Variants in PCSK6 observed in about 807,000 individuals in gnomAD.
The protein encoded by PCSK6 is proprotein convertase subtilisin/kexin type 6, also known as paired basic amino acid cleaving enzyme 4.
A neutral mutation model predicts 123.3 loss-of-function variants in PCSK6; 85 were observed. That is an observed-to-expected ratio of 0.69 (90% confidence interval 0.58 to 0.83). The LOEUF (loss-of-function observed/expected upper bound fraction) is 0.83. Among genes scored for constraint, PCSK6 ranks in the 40% least tolerant of loss-of-function variants. PCSK6 has a pLI of 0.00. For missense variants in PCSK6, 1,191 were observed against 1,282.3 expected, an observed-to-expected ratio of 0.93 and a Z score of 1.09; for synonymous variants, 508 against 516.0, an observed-to-expected ratio of 0.98 and a Z score of 0.21.
rs925451981 is a variant in PCSK6, at chr15:101,347,456, C to T, written c.1859-15425G>A. 1.2e-5 allele frequency: 15 copies of T among 1,253,548 alleles called. No homozygotes were observed. The African/African-American group carries it at 2.1e-4, about 18-fold the overall frequency. The allele number at this position is 1,253,548 out of a possible 1,614,324, so 77.7% of individuals were successfully genotyped here. A position where few individuals can be genotyped will look rare whatever the true frequency, so the allele number is the denominator to read the frequency against. ...ACATGGTCACACAGAAGAGACTAAT[C>T]TCTTCCCCTTCATTAAACATTTTAC... On this transcript the variant is annotated intron_variant, in intron 13 of 21. Coordinates refer to ENST00000611716, the MANE Select transcript of PCSK6 (RefSeq NM_002570.5).
At chr15:101,455,332 G>A (rs1188425907) in intron 1 of PCSK6, among the ~76,000 whole-genome samples, 4 of 152,238 alleles carry the variant, frequency 2.6e-5, no homozygotes, top group Admixed American at 2.6e-4. Context: ...CTGCCCAGCT[G>A]TTATTATTAA....
In PCSK6 at chr15:101,427,930, TAGGAATTGTTTGCTGAAGC is replaced by T; in HGVS notation, c.766_784del (p.Ala256ThrfsTer6). On this transcript the variant is annotated frameshift_variant, in exon 6 of 22. Transcript: ENST00000611716. LOFTEE classifies it high-confidence loss of function. ...ATTGTACGCTATGCCCACGATGCAG[TAGGAATTGTTTGCTGAAGC>T]AGCAACTTCTCCCGCACAACGAGTG... 6.3e-7 allele frequency: 1 copy of T among 1,588,410 alleles called. No homozygotes were observed. Among genetic ancestry groups the T allele is most frequent in the Non-Finnish European group, 8.6e-7 (1 of 1,167,168 alleles).
chr15:101,343,729 T>A (rs950320712), intron 13 of PCSK6, among the ~76,000 whole-genome samples: 2 of 152,244 alleles, frequency 1.3e-5, no homozygotes, highest in African/African-American at 4.8e-5. Flanking sequence ...TCCTTGGAAA[T>A]CCATCGAAGC....
intron 5 of PCSK6, 98 bp from the exon 6 acceptor site, chr15:101,428,078 C>A: frequency 2.0e-6 from 2 of 998,540 alleles, no homozygotes; most frequent in South Asian, 2.9e-5. Flanking sequence ...GTCAGTTGTC[C>A]GAAGCCCAGA....
At chr15:101,379,295 C>T (rs3784493) in intron 11 of PCSK6, among the ~76,000 whole-genome samples, 22,297 of 152,118 alleles carry the variant, frequency 0.15, 1,717 homozygotes, top group East Asian at 0.24. Flanking sequence ...GAGGGGTGGA[C>T]GTATGAACAC....
At chr15:101,306,493 C>A (rs2039727228) in intron 21 of PCSK6, among the ~76,000 whole-genome samples, 1 of 152,176 alleles carries the variant, frequency 6.6e-6, no homozygotes, top group African/African-American at 2.4e-5. Flanking sequence ...AGCAGAGAGC[C>A]TTCCTCTCCT....
intron 13 of PCSK6, among the ~76,000 whole-genome samples, chr15:101,344,976 G>C (rs972498109): frequency 3.3e-4 from 50 of 152,244 alleles, no homozygotes; most frequent in African/African-American, 1.1e-3. Context: ...GTCTCTCAAG[G>C]GGAGCAACGA....
At chr15:101,338,393 A>G (rs1219565418) in intron 13 of PCSK6, among the ~76,000 whole-genome samples, 1 of 152,152 alleles carries the variant, frequency 6.6e-6, no homozygotes, top group Non-Finnish European at 1.5e-5. Flanking sequence ...TTGTGCCAGG[A>G]CAGGCTCCCC....
chr15:101,429,704 T>C (rs545326011), intron 5 of PCSK6, among the ~76,000 whole-genome samples: 2 of 152,202 alleles, frequency 1.3e-5, no homozygotes, highest in Non-Finnish European at 2.9e-5. Flanking sequence ...TCTTTTAAAA[T>C]ATTTCAAGAA....
chr15:101,466,374 G>A (rs1403654541), intron 1 of PCSK6, among the ~76,000 whole-genome samples: 1 of 152,216 alleles, frequency 6.6e-6, no homozygotes, highest in Non-Finnish European at 1.5e-5. Flanking sequence ...TGATGAGGAT[G>A]TGGTGACACT....
At chr15:101,437,645 A>C (rs1006107274) in intron 2 of PCSK6, among the ~76,000 whole-genome samples, 2 of 152,340 alleles carry the variant, frequency 1.3e-5, no homozygotes, top group Non-Finnish European at 1.5e-5. Flanking sequence ...GAGAGAGGGA[A>C]GTCCTCGCTC....
chr15:101,362,084 G>A (rs2141440382), intron 13 of PCSK6, among the ~76,000 whole-genome samples: 1 of 149,602 alleles, frequency 6.7e-6, no homozygotes, highest in South Asian at 2.1e-4. Flanking sequence ...AGCCTCCCAA[G>A]TAGCTGGGAC....
At chr15:101,437,274 A>G in intron 2 of PCSK6, among the ~76,000 whole-genome samples, 1 of 152,140 alleles carries the variant, frequency 6.6e-6, no homozygotes. Flanking sequence ...AGACGATTAC[A>G]TGGTTTCGTG....
chr15:101,458,690 G>A (rs1466718007), intron 1 of PCSK6, among the ~76,000 whole-genome samples: 1 of 152,032 alleles, frequency 6.6e-6, no homozygotes, highest in Admixed American at 6.5e-5. Context: ...CGCTCCTTCC[G>A]AAGACTCCCA....
At chr15:101,375,088 G>C (rs2041695568) in intron 11 of PCSK6, among the ~76,000 whole-genome samples, 2 of 152,060 alleles carry the variant, frequency 1.3e-5, no homozygotes, top group African/African-American at 4.8e-5. Flanking sequence ...GAGTAGCTGG[G>C]ACTACAGGCA....
Position 101,474,034 on chromosome 15 carries a change from T to A in PCSK6, c.297+15340A>T, listed in dbSNP as rs1243190372. ...GCTAACGGCATCATATTCCTGCAAATGAGAAACAGAACCGTGTATAAGACT... is the reference window on the plus strand; with the variant it reads ...GCTAACGGCATCATATTCCTGCAAAAGAGAAACAGAACCGTGTATAAGACT... On this transcript the variant is annotated intron_variant, in intron 1 of 21. Coordinates refer to ENST00000611716, the MANE Select transcript of PCSK6 (RefSeq NM_002570.5). Among the ~76,000 whole-genome samples, 6 of 152,176 alleles carry A rather than the reference T, an allele frequency of 3.9e-5. No individual in the cohort carries two copies. In the East Asian group the frequency reaches 1.2e-3, roughly 29 times the overall value.
chr15:101,396,321 TC>T (rs1398398123), intron 7 of PCSK6, among the ~76,000 whole-genome samples: 17 of 151,732 alleles, frequency 1.1e-4, no homozygotes, highest in African/African-American at 4.1e-4. Flanking sequence ...TCCCCAAGCC[TC>T]CCATAGGCTC....
intron 6 of PCSK6, among the ~76,000 whole-genome samples, chr15:101,416,258 G>A (rs2055883649): frequency 6.6e-6 from 1 of 152,264 alleles, no homozygotes; most frequent in Admixed American, 6.5e-5. Flanking sequence ...TTATGTTTTA[G>A]CAAAGAGACT....
intron 2 of PCSK6, among the ~76,000 whole-genome samples, chr15:101,439,449 C>A (rs1197346022): frequency 1.3e-5 from 2 of 152,248 alleles, no homozygotes; most frequent in East Asian, 1.9e-4. Context: ...GAACAGCCAA[C>A]TTGTCACTGT....
Sources: gnomAD v4.1 joint callset for allele counts (sites outside exome capture counted in the v4.1 genomes callset) on GRCh38, gnomAD v4.1.1 for gene constraint, MANE v1.5 for transcripts, NCBI Gene and HGNC (gene_info 2026-07-23, HGNC 2026-07-21) for gene names.